The following AFAP1 variants were observed in gnomAD, a reference collection of about 807,000 sequenced individuals.
AFAP1 encodes actin filament associated protein 1, also known as actin filament-associated protein 1.
In AFAP1, 75 loss-of-function variants were observed where a neutral mutation model predicts 93.9. That is an observed-to-expected ratio of 0.80 (90% CI 0.66 to 0.97). The LOEUF (loss-of-function observed/expected upper bound fraction) is 0.97, where lower values mean the gene tolerates loss of function less well. AFAP1 is among the 50% of genes least tolerant of loss of function. AFAP1 has a pLI of 0.00. For synonymous variants in AFAP1, 517 were observed against 430.7 expected (o/e 1.20, Z -2.48); for missense variants, 1,201 against 1,050.8 (o/e 1.14, Z -1.98).
At chr4:7,798,971 C>T (rs925743762) in intron 10 of AFAP1, 50 of 986,516 alleles carry the variant, frequency 5.1e-5, no homozygotes, top group African/African-American at 7.0e-5. Context: ...ATGGGAGACC[C>T]GCATTGTTAC....
rs1721611768 is a variant in AFAP1, at chr4:7,939,539, A to G, written c.-3+117T>C. 1 of 368,090 alleles carries G rather than the reference A, an allele frequency of 2.7e-6. No homozygotes were observed. The highest frequency in any genetic ancestry group is 5.3e-6 in the Non-Finnish European group (1 of 187,938). 22.8% of individuals were successfully genotyped at this position (368,090 alleles called of 1,614,324 possible). ...GAGCCCCCGGTACCACCCGAGGCCGAGACAAAGCCCAGGCGCACGGACCCC... is the reference window on the plus strand; with the variant it reads ...GAGCCCCCGGTACCACCCGAGGCCGGGACAAAGCCCAGGCGCACGGACCCC... On this transcript the variant is annotated intron_variant, in intron 1 of 17. Transcript: ENST00000420658. This position sits in a 1 kb window ranked among gnomAD's most constrained non-coding sequence, Gnocchi z 5.6.
chr4:7,779,012 G>A, intron 13 of AFAP1, 136 bp from the exon 14 acceptor site: 1 of 680,424 alleles, frequency 1.5e-6, no homozygotes. Context: ...AAAATCGAAA[G>A]TGAAAGAAAA....
intron 1 of AFAP1, among the ~76,000 whole-genome samples, chr4:7,924,714 C>A (rs1326432418): frequency 6.6e-6 from 1 of 152,152 alleles, no homozygotes; most frequent in Non-Finnish European, 1.5e-5. Flanking sequence ...CAACCTGCAG[C>A]TGCCCGCCCA....
chr4:7,768,814 A>C, intron 17 of AFAP1, 30 bp downstream of exon 17: 1 of 1,536,646 alleles, frequency 6.5e-7, no homozygotes, highest in South Asian at 1.2e-5. Flanking sequence ...TGCCCAGGAC[A>C]CCCAGACACC....
Position 7,771,725 on chromosome 4 carries a change from A to G in AFAP1, c.2253+1095T>C, listed in dbSNP as rs75124781. On this transcript the variant is annotated intron_variant, in intron 16 of 17. Coordinates refer to ENST00000420658, the MANE Select transcript of AFAP1 (RefSeq NM_001134647.2). ...AGCCACCTCTTGAACACCTGAAAGA[A>G]CCATGCATGAGTGGCTGGGTTTGTG... 6.6e-3 allele frequency among the ~76,000 whole-genome samples: 1,011 copies of G among 152,300 alleles called. 11 individuals carry two copies. Among genetic ancestry groups the G allele is most frequent in the African/African-American group, 0.023 (970 of 41,554 alleles).
At chr4:7,937,793 C>G (rs35976679) in intron 1 of AFAP1, among the ~76,000 whole-genome samples, 1 of 152,118 alleles carries the variant, frequency 6.6e-6, no homozygotes, top group Non-Finnish European at 1.5e-5. Flanking sequence ...GGCCGACCTG[C>G]TAAGTTTTAA....
intron 4 of AFAP1, among the ~76,000 whole-genome samples, chr4:7,848,099 A>AGAAGGAAAGAAGGAAGGAAGGAAGGAAG (rs1553845981): frequency 2.6e-5 from 3 of 116,020 alleles, no homozygotes; most frequent in African/African-American, 1.2e-4. Context: ...AGGGAAGGAA[A>AGAAGGAAAGAAGGAAGGAAGGAAGGAAG]GAAGGAAGGA....
At chr4:7,854,518 G>A (rs80249930) in intron 4 of AFAP1, among the ~76,000 whole-genome samples, 138 of 152,276 alleles carry the variant, frequency 9.1e-4, no homozygotes, top group Non-Finnish European at 1.8e-3. Context: ...TGGAATAGCC[G>A]CGCTCGTAGA....
At chr4:7,876,837 C>T (rs73073923) in intron 1 of AFAP1, among the ~76,000 whole-genome samples, 6,538 of 152,270 alleles carry the variant, frequency 0.043, 353 homozygotes, top group African/African-American at 0.12. Flanking sequence ...CCTCAGAAAG[C>T]GAAATACTCC....
chr4:7,770,321 G>A (rs1410885662), intron 16 of AFAP1, among the ~76,000 whole-genome samples: 1 of 152,214 alleles, frequency 6.6e-6, no homozygotes, highest in Non-Finnish European at 1.5e-5. Flanking sequence ...CCATAGAAGA[G>A]AGTGGGCAGC....
intron 1 of AFAP1, among the ~76,000 whole-genome samples, chr4:7,917,266 T>C (rs890993704): frequency 6.6e-6 from 1 of 152,288 alleles, no homozygotes; most frequent in Non-Finnish European, 1.5e-5. Context: ...TCTCACTGTA[T>C]CGTCATGAAA....
intron 4 of AFAP1, among the ~76,000 whole-genome samples, chr4:7,854,211 G>A (rs140518555): frequency 7.9e-4 from 120 of 152,288 alleles, no homozygotes; most frequent in African/African-American, 2.6e-3. Context: ...TTAATCTACT[G>A]TCTTCTTAAA....
intron 7 of AFAP1, 78 bp from the exon 8 acceptor site, chr4:7,816,177 T>C: frequency 1.6e-6 from 2 of 1,246,878 alleles, no homozygotes; most frequent in Admixed American, 4.1e-5. Context: ...AACCAAAAGT[T>C]ATCTCAAAAG....
In AFAP1 at chr4:7,772,879, C is replaced by T; in HGVS notation, c.2194G>A (p.Ala732Thr). 11 of 1,614,192 alleles carry T rather than the reference C, an allele frequency of 6.8e-6. No homozygotes were observed. Among genetic ancestry groups the T allele is most frequent in the Non-Finnish European group, 9.3e-6 (11 of 1,180,038 alleles). Residue 732 changes from alanine to threonine, a missense_variant, in exon 16 of 18, where the codon GCG becomes ACG. Ala to Thr is a moderately conservative substitution (Grantham distance 58). Coordinates refer to ENST00000420658, the MANE Select transcript of AFAP1 (RefSeq NM_001134647.2). ...EVKESLKKAL[A>T]GGVTLGLAIE... ...GCCAGCCCCAGGGTGACTCCGCCCG[C>T]CAGCGCTTTCTTCAGGCTCTCCTTG...
chr4:7,914,812 C>T (rs11931230), intron 1 of AFAP1, among the ~76,000 whole-genome samples: 3,910 of 152,192 alleles, frequency 0.026, 138 homozygotes, highest in African/African-American at 0.081. Flanking sequence ...GGCGCGATCT[C>T]AGCTCGCTCA....
chr4:7,854,107 T>C (rs28662492), intron 4 of AFAP1, among the ~76,000 whole-genome samples: 119,737 of 152,134 alleles, frequency 0.79, 47,438 homozygotes, highest in East Asian at 0.94. Context: ...ATACCCTCAA[T>C]AAGAAAACAT....
chr4:7,846,691 A>G (rs151232511), intron 4 of AFAP1, among the ~76,000 whole-genome samples: 17 of 152,322 alleles, frequency 1.1e-4, no homozygotes, highest in African/African-American at 4.1e-4. Flanking sequence ...TTTAAAAACT[A>G]TCTATATTTA....
chr4:7,884,877 G>C (rs1241240774), intron 1 of AFAP1, among the ~76,000 whole-genome samples: 1 of 152,114 alleles, frequency 6.6e-6, no homozygotes, highest in Non-Finnish European at 1.5e-5. Context: ...CATGGATTAC[G>C]GACTCCTATC....
In AFAP1 at chr4:7,763,406, C is replaced by G. The variant is rs551559106; in HGVS notation, c.*359G>C. The stretch of plus-strand genomic sequence containing the variant: ...TCGAATCCAGGTTTTCATCTGGGGG[C>G]TCATGGAACCATCCATCCTCAGTCC... On this transcript the variant is annotated 3_prime_UTR_variant, in exon 18 of 18. Coordinates refer to ENST00000420658, the MANE Select transcript of AFAP1 (RefSeq NM_001134647.2). 2.8e-4 allele frequency: 62 copies of G among 224,658 alleles called. No individual in the cohort carries two copies. Among genetic ancestry groups the G allele is most frequent in the African/African-American group, 1.3e-3 (58 of 43,536 alleles). The allele number at this position is 224,658 out of a possible 1,614,324, so 13.9% of individuals were successfully genotyped here.
Sources: gnomAD v4.1 joint callset for allele counts (sites outside exome capture counted in the v4.1 genomes callset) on GRCh38, gnomAD v4.1.1 for gene constraint, Gnocchi (gnomAD v3.1) non-coding constraint, MANE v1.5 for transcripts, NCBI Gene and HGNC (gene_info 2026-07-23, HGNC 2026-07-21) for gene names.